Variants in PRDM6 observed in about 807,000 individuals in gnomAD.
PRDM6 encodes PR/SET domain 6.
A neutral mutation model predicts 60.8 loss-of-function variants in PRDM6; 25 were observed. The ratio of observed to expected loss-of-function variants is 0.41; its 90% CI spans 0.30 to 0.57. The LOEUF is 0.57. PRDM6 is among the 20% of genes least tolerant of loss of function. The probability of loss-of-function intolerance (pLI) is 0.27; values close to 1 mark genes in which losing one functional copy is unlikely to be tolerated. For synonymous variants in PRDM6, 407 were observed against 357.4 expected (o/e 1.14, Z -1.57); for missense variants, 839 against 821.3 (o/e 1.02, Z -0.26).
chr5:123,097,832 A>AC (rs748645744), intron 2 of PRDM6, among the ~76,000 whole-genome samples: 6 of 152,236 alleles, frequency 3.9e-5, no homozygotes, highest in Non-Finnish European at 8.8e-5. Flanking sequence ...CGGCATGGAC[A>AC]CTTCTCTGCT....
Position 123,187,239 on chromosome 5 carries a change from A to T in PRDM6, c.*38A>T. On this transcript the variant is annotated 3_prime_UTR_variant, in exon 8 of 8. Transcript: ENST00000407847. ...TTGGAATTAAACTGCAAGGAAAGTC[A>T]TGATTAAATGTCACGGACACTTAAG... 1 of 1,460,510 alleles carries T rather than the reference A, an allele frequency of 6.8e-7. No individual in the cohort carries two copies. Among genetic ancestry groups the T allele is most frequent in the East Asian group, 2.5e-5 (1 of 40,276 alleles). 90.5% of individuals were successfully genotyped at this position (1,460,510 alleles called of 1,614,324 possible). A position where few individuals can be genotyped will look rare whatever the true frequency, so the allele number is the denominator to read the frequency against.
intron 6 of PRDM6, among the ~76,000 whole-genome samples, chr5:123,172,973 C>T (rs1420618181): frequency 6.6e-6 from 1 of 152,120 alleles, no homozygotes; most frequent in Non-Finnish European, 1.5e-5. Context: ...AGGCGGATCA[C>T]GAGGTCAGGA....
At chr5:123,121,413 C>T (rs879881557) in intron 3 of PRDM6, among the ~76,000 whole-genome samples, 3 of 151,916 alleles carry the variant, frequency 2.0e-5, no homozygotes, top group Admixed American at 1.3e-4. Context: ...GACAGGGTCT[C>T]ACTCCGTCAC....
chr5:123,093,276 G>T (rs1230631249), intron 2 of PRDM6, among the ~76,000 whole-genome samples: 1 of 152,112 alleles, frequency 6.6e-6, no homozygotes, highest in Non-Finnish European at 1.5e-5. Context: ...GGATGCGGGG[G>T]TGCCTCCTTA....
At chr5:123,147,250 C>T (rs1036213772) in intron 3 of PRDM6, among the ~76,000 whole-genome samples, 5 of 149,102 alleles carry the variant, frequency 3.4e-5, no homozygotes, top group African/African-American at 5.1e-5. Context: ...ATTTTGCAGT[C>T]TGTGAAATAC....
At chr5:123,183,690 C>T (rs1053025798) in intron 7 of PRDM6, among the ~76,000 whole-genome samples, 13 of 152,160 alleles carry the variant, frequency 8.5e-5, no homozygotes, top group East Asian at 1.9e-4. Flanking sequence ...AAGGAGCAAA[C>T]GCAAGATATC....
intron 3 of PRDM6, among the ~76,000 whole-genome samples, chr5:123,136,549 C>T (rs2126856559): frequency 6.6e-6 from 1 of 152,272 alleles, no homozygotes; most frequent in South Asian, 2.1e-4. Flanking sequence ...AGAGATTACA[C>T]ATATATTTTA....
At chr5:123,118,619 G>C (rs1376035629) in intron 3 of PRDM6, among the ~76,000 whole-genome samples, 1 of 152,208 alleles carries the variant, frequency 6.6e-6, no homozygotes, top group Non-Finnish European at 1.5e-5. Flanking sequence ...AATGACCAAA[G>C]CACAGACTGT....
chr5:123,154,948 C>T (rs1196062707), intron 3 of PRDM6, among the ~76,000 whole-genome samples: 1 of 152,126 alleles, frequency 6.6e-6, no homozygotes, highest in South Asian at 2.1e-4. Flanking sequence ...GATACATGAC[C>T]GCCTCATCTC....
At chr5:123,169,288 T>A (rs940318698) in intron 5 of PRDM6, among the ~76,000 whole-genome samples, 4 of 152,154 alleles carry the variant, frequency 2.6e-5, no homozygotes, top group Admixed American at 2.6e-4. Context: ...AGCAAATAGT[T>A]TACAAATATT....
At chr5:123,141,156 A>G (rs888427327) in intron 3 of PRDM6, among the ~76,000 whole-genome samples, 1 of 152,066 alleles carries the variant, frequency 6.6e-6, no homozygotes, top group South Asian at 2.1e-4. Context: ...AAATATATCA[A>G]ATTCTGATTG....
chr5:123,122,353 TA>T (rs1427517105), intron 3 of PRDM6, among the ~76,000 whole-genome samples: 1 of 152,128 alleles, frequency 6.6e-6, no homozygotes, highest in East Asian at 1.9e-4. Flanking sequence ...AGTGTTTTAG[TA>T]AAGTAGTCAA....
At chr5:123,179,733 A>G (rs200142205) in intron 6 of PRDM6, among the ~76,000 whole-genome samples, 1 of 81,600 alleles carries the variant, frequency 1.2e-5, no homozygotes, top group South Asian at 4.9e-4. Flanking sequence ...ATTAAACTGG[A>G]TAACTGATTT....
At chr5:123,178,921 C>G (rs1002169078) in intron 6 of PRDM6, among the ~76,000 whole-genome samples, 2 of 152,214 alleles carry the variant, frequency 1.3e-5, no homozygotes, top group African/African-American at 4.8e-5. Flanking sequence ...GCAATTAAGT[C>G]TGCTTTCACC....
intron 3 of PRDM6, among the ~76,000 whole-genome samples, chr5:123,105,975 C>G (rs1764190331): frequency 1.3e-5 from 2 of 152,198 alleles, no homozygotes; most frequent in Non-Finnish European, 2.9e-5. Context: ...TGGCTCAAAC[C>G]CTGATTTACT....
chr5:123,090,814 G>A (rs1171160951), intron 2 of PRDM6, among the ~76,000 whole-genome samples: 1 of 152,186 alleles, frequency 6.6e-6, no homozygotes, highest in Non-Finnish European at 1.5e-5. Flanking sequence ...CGGATGGGAC[G>A]GCCGGTGGCA....
intron 3 of PRDM6, among the ~76,000 whole-genome samples, chr5:123,155,233 T>C (rs1373236781): frequency 1.3e-5 from 2 of 151,698 alleles, no homozygotes; most frequent in Non-Finnish European, 2.9e-5. Context: ...AGACAGCCAT[T>C]TTTTTTCTTT....
intron 6 of PRDM6, among the ~76,000 whole-genome samples, chr5:123,171,411 T>G (rs1159618734): frequency 1.3e-5 from 2 of 152,186 alleles, no homozygotes; most frequent in Non-Finnish European, 2.9e-5. Context: ...GAGGTCAGGA[T>G]AATTAGAATC....
At chr5:123,104,577 A>G (rs1053881759) in intron 3 of PRDM6, among the ~76,000 whole-genome samples, 6 of 152,264 alleles carry the variant, frequency 3.9e-5, no homozygotes, top group African/African-American at 1.4e-4. Flanking sequence ...TTTTTCAGCA[A>G]TTTATCATTT....
Sources: allele counts gnomAD v4.1 joint callset (sites outside exome capture counted in the v4.1 genomes callset), GRCh38; gene constraint gnomAD v4.1.1; transcripts MANE v1.5; gene names NCBI Gene and HGNC (gene_info 2026-07-23, HGNC 2026-07-21).